The following COPG2 variants were observed in gnomAD, a reference collection of about 807,000 sequenced individuals.
The protein encoded by COPG2 is coatomer subunit gamma-2.
A neutral mutation model predicts 46.3 loss-of-function variants in COPG2; 37 were observed. The observed-to-expected ratio is 0.80, with a 90% CI of 0.61 to 1.05. The LOEUF is 1.05. COPG2 is among the 50% of genes least tolerant of loss of function. COPG2 has a pLI of 0.00. For synonymous variants in COPG2, 159 were observed against 129.7 expected, an observed-to-expected ratio of 1.23 and a Z score of -1.53; for missense variants, 427 against 387.8, an observed-to-expected ratio of 1.10 and a Z score of -0.85.
At chr7:130,656,637 A>T (rs1186941405) in intron 4 of COPG2, among the ~76,000 whole-genome samples, 2 of 152,146 alleles carry the variant, frequency 1.3e-5, no homozygotes, top group Non-Finnish European at 2.9e-5. Flanking sequence ...ATCACAAGAA[A>T]AAGGTCAATA....
Position 130,612,021 on chromosome 7 carries a change from A to C in COPG2, c.579+131T>G. 3 of 668,254 alleles carry C rather than the reference A, an allele frequency of 4.5e-6. No individual in the cohort carries two copies. In the South Asian group the frequency reaches 5.1e-5, roughly 11 times the overall value. 41.4% of individuals were successfully genotyped at this position (668,254 alleles called of 1,614,324 possible). ...TCATAATTAGTGAGATTCCTACTTC[A>C]GAATACGTACTAGTAGCTGCTTAAT... On this transcript the variant is annotated intron_variant, in intron 8 of 23. Transcript: ENST00000425248.
intron 5 of COPG2, among the ~76,000 whole-genome samples, chr7:130,619,096 A>G (rs1417018488): frequency 6.6e-6 from 1 of 152,126 alleles, no homozygotes; most frequent in Non-Finnish European, 1.5e-5. Flanking sequence ...TTTGTGTTAC[A>G]TCTCTATTTT....
rs782411523 is a variant in COPG2 at position 130,652,955 on chromosome 7, A to C, written c.244-7T>G. ...ACATTCTCCTCAATGTTTGCTGAAA[A>C]ATCATTTATAAAAGGTAACAGATTA... On this transcript the variant is annotated splice_region_variant and splice_polypyrimidine_tract_variant and intron_variant, in intron 4 of 23. Transcript: ENST00000425248. 2.5e-6 allele frequency: 4 copies of C among 1,573,066 alleles called. No individual in the cohort carries two copies. Among genetic ancestry groups the C allele is most frequent in the Admixed American group, 3.5e-5 (2 of 57,118 alleles).
intron 15 of COPG2, 133 bp downstream of exon 15, chr7:130,552,222 T>G (rs1793542434): frequency 2.6e-6 from 1 of 392,006 alleles, no homozygotes; most frequent in Non-Finnish European, 4.5e-6. Flanking sequence ...GGAATTGCCA[T>G]TTGCCCCTGA....
chr7:130,612,588 T>C (rs899677960), intron 7 of COPG2, among the ~76,000 whole-genome samples: 7 of 152,178 alleles, frequency 4.6e-5, no homozygotes, highest in African/African-American at 1.7e-4. Flanking sequence ...AAGAGAGTAC[T>C]AGTATATTCT....
At position 130,551,243 on chromosome 7, in the gene COPG2, T is replaced by C. The variant is rs1368551192; in HGVS notation, c.1646A>G (p.Asn549Ser). Residue 549 changes from asparagine (N) to serine (S), a missense_variant and splice_region_variant, in exon 16 of 24, where the codon AAT becomes AGT. Coordinates refer to ENST00000425248, the MANE Select transcript of COPG2 (RefSeq NM_012133.6). ...QMALNATYIF[N>S]GLTVSVPGME... ...GTACATCCTTGGCTTTCACTGACCA[T>C]TAAAGATATATGTGGCATTTAGTGC... 2.5e-6 allele frequency: 1 copy of C among 398,408 alleles called. No individual in the cohort carries two copies. The highest frequency in any genetic ancestry group is 4.4e-6 in the Non-Finnish European group (1 of 225,998). The allele number at this position is 398,408 out of a possible 1,614,324, so 24.7% of individuals were successfully genotyped here.
At chr7:130,521,853 A>G (rs1397084395) in intron 20 of COPG2, among the ~76,000 whole-genome samples, 1 of 152,186 alleles carries the variant, frequency 6.6e-6, no homozygotes, top group Non-Finnish European at 1.5e-5. Context: ...TATGGAAGGG[A>G]AAAAGGGTGA....
At chr7:130,654,348 C>CA (rs1210810084) in intron 4 of COPG2, among the ~76,000 whole-genome samples, 1 of 152,116 alleles carries the variant, frequency 6.6e-6, no homozygotes, top group African/African-American at 2.4e-5. Context: ...ATCTTACTGG[C>CA]ATGGAATATA....
chr7:130,555,231 A>G (rs1181884910), intron 12 of COPG2, 99 bp from the exon 13 acceptor site: 6 of 388,546 alleles, frequency 1.5e-5, no homozygotes, highest in Non-Finnish European at 2.7e-5. Flanking sequence ...AATTATGGCT[A>G]CTAAACATAC....
In COPG2 at chr7:130,660,570, A is replaced by G. The variant is rs565586260; in HGVS notation, c.243+2397T>C. Reference sequence around the variant, plus strand: ...CATTGCTGGTTGTCCATTAAACCCCAGGTCACTTCCCTTATTTTTAAAAAA... The same window carrying G: ...CATTGCTGGTTGTCCATTAAACCCCGGGTCACTTCCCTTATTTTTAAAAAA... On this transcript the variant is annotated intron_variant, in intron 4 of 23. Transcript: ENST00000425248. 3.9e-5 allele frequency among the ~76,000 whole-genome samples: 6 copies of G among 152,274 alleles called. No homozygotes were observed. The South Asian group carries it at 1.2e-3, about 32-fold the overall frequency.
intron 5 of COPG2, among the ~76,000 whole-genome samples, chr7:130,618,461 T>C (rs1438629989): frequency 6.6e-6 from 1 of 152,218 alleles, no homozygotes; most frequent in Non-Finnish European, 1.5e-5. Flanking sequence ...CATATCTGGG[T>C]ACTATCTGTT....
At chr7:130,644,852 A>G (rs1221811187) in intron 5 of COPG2, among the ~76,000 whole-genome samples, 1 of 152,120 alleles carries the variant, frequency 6.6e-6, no homozygotes, top group African/African-American at 2.4e-5. Flanking sequence ...ACCTGAGGTC[A>G]CAAGTTCGAG....
chr7:130,603,799 C>T (rs782723992), intron 9 of COPG2: 28 of 517,442 alleles, frequency 5.4e-5, no homozygotes, highest in Admixed American at 1.2e-4. Context: ...AGTTGATCCT[C>T]GAACAACATG....
At chr7:130,559,056 T>C (rs1437382628) in intron 12 of COPG2, among the ~76,000 whole-genome samples, 2 of 152,042 alleles carry the variant, frequency 1.3e-5, no homozygotes, top group African/African-American at 4.8e-5. Flanking sequence ...CAAATATGAC[T>C]ACCTAAAAAA....
At chr7:130,590,099 CTGTT>C (rs1794364703) in intron 9 of COPG2, among the ~76,000 whole-genome samples, 2 of 152,200 alleles carry the variant, frequency 1.3e-5, no homozygotes, top group South Asian at 2.1e-4. Context: ...ATTTGAGGTT[CTGTT>C]TATTTAAGCC....
At chr7:130,662,928 G>T in intron 4 of COPG2, 39 bp downstream of exon 4, 2 of 1,193,132 alleles carry the variant, frequency 1.7e-6, no homozygotes. Flanking sequence ...ATAAATAAAA[G>T]GAGGTTTTTC....
intron 9 of COPG2, among the ~76,000 whole-genome samples, chr7:130,589,217 A>G (rs1397629301): frequency 6.6e-6 from 1 of 152,216 alleles, no homozygotes; most frequent in Non-Finnish European, 1.5e-5. Context: ...AAAGTGTACA[A>G]GTGTTTCTCT....
intron 5 of COPG2, among the ~76,000 whole-genome samples, chr7:130,647,438 T>A (rs1378377589): frequency 6.6e-6 from 1 of 152,190 alleles, no homozygotes; most frequent in Non-Finnish European, 1.5e-5. Context: ...AGAACCCTCA[T>A]AAGGCTGTTA....
chr7:130,566,397 T>G (rs1793803355), intron 9 of COPG2, among the ~76,000 whole-genome samples: 1 of 152,240 alleles, frequency 6.6e-6, no homozygotes, highest in Non-Finnish European at 1.5e-5. Context: ...TCAGCCACTG[T>G]GGAAAGCAGT....
Sources: allele counts gnomAD v4.1 joint callset (sites outside exome capture counted in the v4.1 genomes callset), GRCh38; gene constraint gnomAD v4.1.1; transcripts MANE v1.5; gene names NCBI Gene and HGNC (gene_info 2026-07-23, HGNC 2026-07-21).